Variants in TMEM182 observed in about 807,000 individuals in gnomAD.
TMEM182 encodes transmembrane protein 182.
Under a neutral mutation model 26.8 loss-of-function variants are expected in TMEM182, and 20 were observed. The ratio of observed to expected loss-of-function variants is 0.75; its 90% confidence interval spans 0.53 to 1.09. The LOEUF (loss-of-function observed/expected upper bound fraction) is 1.09. Among genes scored for constraint, TMEM182 ranks in the 50% least tolerant of loss-of-function variants. The pLI is 0.00. For missense variants in TMEM182, 277 were observed against 275.5 expected (o/e 1.01, Z -0.04); for synonymous variants, 109 against 102.2 (o/e 1.07, Z -0.40).
chr2:102,824,132 G>C (rs551594286), intron 3 of TMEM182, among the ~76,000 whole-genome samples: 1 of 152,322 alleles, frequency 6.6e-6, no homozygotes, highest in Admixed American at 6.5e-5. Flanking sequence ...TGATTCTTAA[G>C]AGGTGACGTG....
chr2:102,812,174 T>A (rs1179651867), intron 4 of TMEM182, among the ~76,000 whole-genome samples: 2 of 152,208 alleles, frequency 1.3e-5, no homozygotes, highest in Admixed American at 1.3e-4. Context: ...TGTAACTATT[T>A]CCTGGCAGTC....
At chr2:102,811,369 C>G (rs1035255584) in intron 4 of TMEM182, among the ~76,000 whole-genome samples, 1 of 152,132 alleles carries the variant, frequency 6.6e-6, no homozygotes, top group African/African-American at 2.4e-5. Context: ...ACTTTGATTA[C>G]TTGAATAAGG....
chr2:102,755,667 A>T (rs1680011200), intron 1 of TMEM182, among the ~76,000 whole-genome samples: 2 of 152,204 alleles, frequency 1.3e-5, no homozygotes, highest in African/African-American at 4.8e-5. Flanking sequence ...GTAGAAATTC[A>T]GCTTGTATTT....
chr2:102,740,591 G>T (rs1651846208), intron 1 of TMEM182, among the ~76,000 whole-genome samples: 1 of 151,964 alleles, frequency 6.6e-6, no homozygotes, highest in Admixed American at 6.6e-5. Context: ...CTAATACCTG[G>T]GCCAATAATG....
At chr2:102,791,953 A>G (rs1037252534) in intron 3 of TMEM182, among the ~76,000 whole-genome samples, 1 of 151,836 alleles carries the variant, frequency 6.6e-6, no homozygotes, top group Non-Finnish European at 1.5e-5. Context: ...TAAATCACTA[A>G]CCAAACAAAA....
intron 3 of TMEM182, among the ~76,000 whole-genome samples, chr2:102,790,985 GAGTGT>G (rs1681610419): frequency 6.6e-6 from 1 of 152,042 alleles, no homozygotes. Flanking sequence ...GCCCAGGCTG[GAGTGT>G]AGTGGCACCA....
At chr2:102,833,661 AG>A (rs1206627403) in intron 3 of TMEM182, among the ~76,000 whole-genome samples, 1 of 152,232 alleles carries the variant, frequency 6.6e-6, no homozygotes, top group Non-Finnish European at 1.5e-5. Flanking sequence ...AATTAGGTCC[AG>A]GATCCCACCA....
intron 3 of TMEM182, among the ~76,000 whole-genome samples, chr2:102,772,825 T>A (rs1286860493): frequency 1.3e-5 from 2 of 152,188 alleles, no homozygotes; most frequent in Non-Finnish European, 2.9e-5. Context: ...ATTCAATAAA[T>A]GTCAGCTATT....
At chr2:102,762,540 T>A in intron 1 of TMEM182, 47 bp from the exon 2 acceptor site, 1 of 1,578,532 alleles carries the variant, frequency 6.3e-7, no homozygotes, top group Non-Finnish European at 8.6e-7. Context: ...TGATTTTGAT[T>A]ATATTTCTTG....
chr2:102,745,751 A>G (rs529896192), intron 1 of TMEM182, among the ~76,000 whole-genome samples: 2 of 152,128 alleles, frequency 1.3e-5, no homozygotes, highest in Non-Finnish European at 2.9e-5. Flanking sequence ...TTACTTTGTG[A>G]CTGGGTCCTT....
chr2:102,799,266 G>A (rs993486346), intron 4 of TMEM182, among the ~76,000 whole-genome samples: 10 of 152,332 alleles, frequency 6.6e-5, no homozygotes, highest in Non-Finnish European at 1.5e-4. Flanking sequence ...AAGATGGCTT[G>A]TGATGCTGCC....
chr2:102,814,463 T>C (rs2540322), intron 4 of TMEM182, among the ~76,000 whole-genome samples: 48,953 of 152,034 alleles, frequency 0.32, 8,069 homozygotes, highest in South Asian at 0.42. Context: ...TATTCACTAA[T>C]GTTCACAAGC....
rs1231926480 is a variant in TMEM182, at chr2:102,755,912, T to C, written c.-82-2477T>C. Among the ~76,000 whole-genome samples the C allele has an allele frequency of 2.6e-5, 4 of 152,354 alleles. No individual in the cohort carries two copies. The East Asian group carries it at 5.8e-4, about 22-fold the overall frequency. On this transcript the variant is annotated intron_variant, in intron 1 of 5. Coordinates refer to the TMEM182 transcript ENST00000409173. The stretch of plus-strand genomic sequence containing the variant: ...AAGGGAGAGTGTAATTAAACACATA[T>C]GAAAACTTGTATGAGTTATGTGAAT...
downstream of TMEM182, among the ~76,000 whole-genome samples, chr2:102,819,671 A>G (rs1489775822): frequency 6.6e-6 from 1 of 152,214 alleles, no homozygotes; most frequent in South Asian, 2.1e-4. Flanking sequence ...ATGTGTATGT[A>G]TGTAAAGTGT....
chr2:102,788,094 G>A (rs1681474960), intron 3 of TMEM182, among the ~76,000 whole-genome samples: 1 of 152,158 alleles, frequency 6.6e-6, no homozygotes, highest in Non-Finnish European at 1.5e-5. Flanking sequence ...GGGTGGCGGT[G>A]GAGAATGTCT....
chr2:102,775,528 G>T (rs1680875830), intron 3 of TMEM182: 1 of 152,238 alleles, frequency 6.6e-6, no homozygotes, highest in African/African-American at 2.4e-5. Context: ...AGTGTTGGAA[G>T]TTCTGGCCAG....
intron 3 of TMEM182, among the ~76,000 whole-genome samples, chr2:102,827,187 T>C (rs1284594443): frequency 6.6e-6 from 1 of 152,252 alleles, no homozygotes; most frequent in Non-Finnish European, 1.5e-5. Context: ...ACCACTGAGC[T>C]AAACAGAAAT....
downstream of TMEM182, among the ~76,000 whole-genome samples, chr2:102,819,435 T>G (rs905181751): frequency 3.3e-5 from 5 of 152,224 alleles, no homozygotes; most frequent in African/African-American, 9.6e-5. Context: ...TGTAACTATC[T>G]GAAAGATATG....
At position 102,817,399 on chromosome 2, in the gene TMEM182, C is replaced by T; in HGVS notation, c.*2431C>T. The T allele has an allele frequency of 5.1e-6, 5 of 985,364 alleles. No individual in the cohort carries two copies. The South Asian group carries it at 1.4e-4, about 28-fold the overall frequency. The allele number at this position is 985,364 out of a possible 1,614,324, so 61.0% of individuals were successfully genotyped here. A position where few individuals can be genotyped will look rare whatever the true frequency, so the allele number is the denominator to read the frequency against. On this transcript the variant is annotated 3_prime_UTR_variant, in exon 5 of 5. Transcript: ENST00000412401. ...TGAATAAAAAGGGCAGTGAGTTATG[C>T]TCTTGGACTTGGTGAAAGCTATCAT...
Sources: allele counts gnomAD v4.1 joint callset (sites outside exome capture counted in the v4.1 genomes callset), GRCh38; gene constraint gnomAD v4.1.1; transcripts MANE v1.5; gene names NCBI Gene and HGNC (gene_info 2026-07-23, HGNC 2026-07-21).